Variants in MMEL1 observed in about 807,000 individuals in gnomAD.
MMEL1 encodes membrane metalloendopeptidase like 1.
MMEL1 carries 98 observed loss-of-function variants against 117.1 expected under a neutral mutation model. The observed-to-expected ratio is 0.84, with a 90% CI of 0.71 to 0.99. The LOEUF is 0.99. Among genes scored for constraint, MMEL1 ranks in the 50% least tolerant of loss-of-function variants. MMEL1 has a pLI of 0.00. For missense variants in MMEL1, 1,014 were observed against 1,049.1 expected (o/e 0.97, Z 0.46); for synonymous variants, 390 against 415.1 (o/e 0.94, Z 0.74).
intron 19 of MMEL1, 112 bp from the exon 20 acceptor site, chr1:2,593,078 C>G (rs749429983): frequency 1.5e-6 from 2 of 1,375,668 alleles, no homozygotes; most frequent in African/African-American, 2.8e-5. Context: ...AGCCCCAGTA[C>G]GGAGAGCCCA....
At chr1:2,592,746 C>A in intron 20 of MMEL1, 26 bp from the exon 21 acceptor site, 1 of 1,610,054 alleles carries the variant, frequency 6.2e-7, no homozygotes, top group Admixed American at 1.7e-5. Flanking sequence ...AGGATTGGGG[C>A]AGCCCCGGCC....
chr1:2,603,991 G>A lies in MMEL1; in HGVS notation c.952-18C>T. The A allele has an allele frequency of 1.2e-6, 2 of 1,613,012 alleles. No homozygotes were observed. The highest frequency in any genetic ancestry group is 1.7e-6 in the Non-Finnish European group (2 of 1,179,650). ...ACCGTGGCCTGTGCCGGGGATAGCA[G>A]TCACACGGGCGGGTGGCCAGGATGC... On this transcript the variant is annotated intron_variant, in intron 10 of 23. Transcript: ENST00000378412.
chr1:2,595,858 G>A lies in MMEL1; in HGVS notation c.1500+151C>T, dbSNP rs1020425928. ...CTTCTCCCCGTGGGGTCCTGTCTGC[G>A]CCTCCCGGGGCTGCCTTCTCCCCGT... is the stretch of plus-strand genomic sequence containing the variant. On this transcript the variant is annotated intron_variant, in intron 15 of 23. Coordinates refer to ENST00000378412, the MANE Select transcript of MMEL1 (RefSeq NM_033467.4). The surrounding 1 kb of genome is among the most constrained non-coding windows in gnomAD (Gnocchi z 4.8). 1.4e-5 allele frequency: 9 copies of A among 631,118 alleles called. No individual in the cohort carries two copies. In the African/African-American group the frequency reaches 1.5e-4, roughly 10 times the overall value. 39.1% of individuals were successfully genotyped at this position (631,118 alleles called of 1,614,324 possible).
At position 2,609,418 on chromosome 1, in the gene MMEL1, C is replaced by A; in HGVS notation, c.456G>T (p.Ala152=). 1 of 1,609,252 alleles carries A rather than the reference C, an allele frequency of 6.2e-7. No individual in the cohort carries two copies. Among genetic ancestry groups the A allele is most frequent in the East Asian group, 2.2e-5 (1 of 44,782 alleles). ...LRDELEVILK[A]VLENSTAKDR... is the part of the protein sequence containing the mutation. Reference sequence around the variant, plus strand: ...CCTTGGCAGTCGAATTCTCCAGCACCGCTGTGGGCACAGGAAAAGGTTGGA... The same window carrying A: ...CCTTGGCAGTCGAATTCTCCAGCACAGCTGTGGGCACAGGAAAAGGTTGGA... The change falls in exon 6 of 24, where the codon GCG becomes GCT. Residue 152 remains alanine, a splice_region_variant and synonymous_variant. Transcript: ENST00000378412.
chr1:2,631,521 C>T (rs1447489448), intron 1 of MMEL1, among the ~76,000 whole-genome samples: 2 of 152,102 alleles, frequency 1.3e-5, no homozygotes, highest in African/African-American at 4.8e-5. Context: ...TCAGCGACTC[C>T]TCCAGAGATC....
intron 2 of MMEL1, among the ~76,000 whole-genome samples, chr1:2,621,564 C>A (rs1645289259): frequency 6.9e-6 from 1 of 144,122 alleles, no homozygotes; most frequent in South Asian, 2.3e-4. Flanking sequence ...TGGACTGAAC[C>A]AATGCACATT....
chr1:2,613,907 T>C (rs867452334), intron 2 of MMEL1, among the ~76,000 whole-genome samples: 1 of 152,270 alleles, frequency 6.6e-6, no homozygotes, highest in Middle Eastern at 3.4e-3. Context: ...ACATACTGTC[T>C]GATTCCAATT....
chr1:2,608,925 G>A (rs10797439), intron 6 of MMEL1, among the ~76,000 whole-genome samples: 69,288 of 150,622 alleles, frequency 0.46, 17,464 homozygotes, highest in African/African-American at 0.68. Flanking sequence ...ACACATACAC[G>A]TATACACATA....
chr1:2,621,232 C>T (rs1439577166), intron 2 of MMEL1, among the ~76,000 whole-genome samples: 1 of 152,196 alleles, frequency 6.6e-6, no homozygotes, highest in Non-Finnish European at 1.5e-5. Context: ...CTGCAGTGAG[C>T]TGTGATTGCA....
At chr1:2,610,807 G>A (rs1645113233) in intron 4 of MMEL1, among the ~76,000 whole-genome samples, 1 of 152,158 alleles carries the variant, frequency 6.6e-6, no homozygotes, top group Non-Finnish European at 1.5e-5. Context: ...CCTCACGGAA[G>A]GCGTGTCCAC....
rs111447157 is a variant in MMEL1, at chr1:2,620,778, GA to G, written c.154+8552del. On this transcript the variant is annotated intron_variant, in intron 2 of 23. Transcript: ENST00000378412. ...AAACATTTTTAAACAATAAAATAAT[GA>G]AAAAAAAAAAGCATGGGCCTTGTGG... is the stretch of plus-strand genomic sequence containing the variant. 6.4e-3 allele frequency among the ~76,000 whole-genome samples: 952 copies of G among 148,198 alleles called. 11 individuals are homozygous for G. Among genetic ancestry groups the G allele is most frequent in the African/African-American group, 0.022 (905 of 40,312 alleles).
intron 7 of MMEL1, 68 bp downstream of exon 7, chr1:2,606,906 G>A: frequency 6.9e-7 from 1 of 1,446,730 alleles, no homozygotes; most frequent in Non-Finnish European, 9.6e-7. Context: ...GAAGGCCTCA[G>A]ACCGAAGGAG....
At chr1:2,601,616 A>G (rs919160009) in intron 11 of MMEL1, among the ~76,000 whole-genome samples, 6 of 152,198 alleles carry the variant, frequency 3.9e-5, no homozygotes, top group Non-Finnish European at 8.8e-5. Context: ...AACCCTTATG[A>G]GAGTAAAAAA....
At position 2,629,437 on chromosome 1, in the gene MMEL1, A is replaced by G. The variant is rs759838887; in HGVS notation, c.48T>C (p.Arg16=). ...GGAACCCCGGGCGCTTCTGCCCTGC[A>G]CGGCCGGCGCTCTCCACCATCCCCA... ...GPVGMVESAG[R]AGQKRPGFLE... is the part of the protein sequence containing the mutation. The change falls in exon 2 of 24, where the codon CGT becomes CGC. Residue 16 remains arginine, a synonymous_variant. Transcript: ENST00000378412. 1.3e-6 allele frequency: 2 copies of G among 1,544,466 alleles called. No homozygotes were observed. The highest frequency in any genetic ancestry group is 1.7e-6 in the Non-Finnish European group (2 of 1,145,490).
intron 23 of MMEL1, 49 bp downstream of exon 23, chr1:2,591,508 G>A: frequency 3.4e-6 from 5 of 1,451,088 alleles, no homozygotes; most frequent in Non-Finnish European, 4.8e-6. Flanking sequence ...CTGGGGTGGG[G>A]GTGAGGGGGT....
At chr1:2,614,719 G>T (rs1348217219) in intron 2 of MMEL1, among the ~76,000 whole-genome samples, 1 of 152,030 alleles carries the variant, frequency 6.6e-6, no homozygotes, top group African/African-American at 2.4e-5. Flanking sequence ...ATAGGACCCA[G>T]CTCTTGGTTT....
chr1:2,604,142 C>CA lies in MMEL1; in HGVS notation c.951+4_951+5insT. On this transcript the variant is annotated splice_donor_region_variant and intron_variant, in intron 10 of 23. Transcript: ENST00000378412. ...CCCGCTCCCCACCCGCCCCGGCCCC[C>CA]TTACCTTGGCCAGCTGTGTCTCCAG... 6.3e-7 allele frequency: 1 copy of CA among 1,598,560 alleles called. No individual in the cohort carries two copies. The highest frequency in any genetic ancestry group is 8.6e-7 in the Non-Finnish European group (1 of 1,169,110).
Position 2,596,605 on chromosome 1 carries a change from A to T in MMEL1, c.1357T>A (p.Ser453Thr), listed in dbSNP as rs1227490632. ...VNSNMENAVG[S>T]LYVREAFPGD... is the part of the protein sequence containing the mutation. ...GGGAACGCCTCCCTGACGTAGAGGG[A>T]GCCCACGGCGTTCTCCATGTTGCTG... The change falls in exon 14 of 24, where the codon TCC (serine) becomes ACC (threonine). Residue 453 changes from serine (S) to threonine (T), a missense_variant. By Grantham distance (58) the Ser-to-Thr change is moderately conservative. Coordinates refer to ENST00000378412, the MANE Select transcript of MMEL1 (RefSeq NM_033467.4). 2 of 1,612,776 alleles carry T rather than the reference A, an allele frequency of 1.2e-6. No homozygotes were observed. Among genetic ancestry groups the T allele is most frequent in the Non-Finnish European group, 1.7e-6 (2 of 1,179,828 alleles).
chr1:2,618,252 T>TTC (rs374059827), intron 2 of MMEL1, among the ~76,000 whole-genome samples: 244 of 150,020 alleles, frequency 1.6e-3, no homozygotes, highest in South Asian at 3.4e-3. Flanking sequence ...CTGGCACCTC[T>TTC]TCTCTCTCTC....
Sources: gnomAD v4.1 joint callset for allele counts (sites outside exome capture counted in the v4.1 genomes callset) on GRCh38, gnomAD v4.1.1 for gene constraint, Gnocchi (gnomAD v3.1) non-coding constraint, MANE v1.5 for transcripts, NCBI Gene and HGNC (gene_info 2026-07-23, HGNC 2026-07-21) for gene names.